Variants in WWOX observed in about 807,000 individuals in gnomAD.
The protein encoded by WWOX is WW domain-containing oxidoreductase.
WWOX carries 69 observed loss-of-function variants against 46.2 expected under a neutral mutation model. That is an observed-to-expected ratio of 1.49 (90% CI 1.23 to 1.82). The LOEUF (loss-of-function observed/expected upper bound fraction) is 1.82. Among genes scored for constraint, WWOX ranks in the 40% most tolerant of loss-of-function variants. The probability of loss-of-function intolerance (pLI) is 0.00; values close to 1 mark genes in which losing one functional copy is unlikely to be tolerated. For synonymous variants in WWOX, 359 were observed against 202.6 expected, an observed-to-expected ratio of 1.77 and a Z score of -6.56; for missense variants, 919 against 542.6, an observed-to-expected ratio of 1.69 and a Z score of -6.89.
intron 5 of WWOX, chr16:78,280,854 A>G (rs2079665113): frequency 6.6e-6 from 1 of 152,538 alleles, no homozygotes. Context: ...TAACATCAGA[A>G]TCATCTGAAT....
In WWOX at chr16:78,972,226, A is replaced by G. The variant is rs564546974; in HGVS notation, c.1057-239382A>G. 3.9e-5 allele frequency among the ~76,000 whole-genome samples: 6 copies of G among 152,258 alleles called. No individual in the cohort carries two copies. In the South Asian group the frequency reaches 1.0e-3, roughly 26 times the overall value. The stretch of plus-strand genomic sequence containing the variant: ...CCGTGCTTGGAGGGGCGTTCAGACA[A>G]AGAGCCAAATTTAAATTCATGTAAT... On this transcript the variant is annotated intron_variant, in intron 8 of 8. Coordinates refer to ENST00000566780, the MANE Select transcript of WWOX (RefSeq NM_016373.4).
intron 8 of WWOX, among the ~76,000 whole-genome samples, chr16:79,170,519 A>T (rs1222401163): frequency 1.3e-5 from 2 of 152,194 alleles, no homozygotes; most frequent in Admixed American, 1.3e-4. Flanking sequence ...CATACCCTAA[A>T]TTATGCCAGA....
At chr16:78,740,951 T>G (rs973383724) in intron 8 of WWOX, among the ~76,000 whole-genome samples, 11 of 152,216 alleles carry the variant, frequency 7.2e-5, no homozygotes, top group Non-Finnish European at 1.6e-4. Flanking sequence ...GTCACATTGT[T>G]GGAGAACTGT....
intron 8 of WWOX, among the ~76,000 whole-genome samples, chr16:78,988,298 C>T (rs543568247): frequency 1.3e-5 from 2 of 150,716 alleles, no homozygotes; most frequent in South Asian, 4.2e-4. Context: ...GAGCCAAGAT[C>T]ACGCTATTGC....
intron 1 of WWOX, among the ~76,000 whole-genome samples, chr16:78,100,851 C>CT (rs2031729419): frequency 6.6e-6 from 1 of 152,116 alleles, no homozygotes; most frequent in South Asian, 2.1e-4. Flanking sequence ...AGGAAATGTC[C>CT]TAAATACACG....
intron 8 of WWOX, among the ~76,000 whole-genome samples, chr16:78,529,725 C>T (rs2043573734): frequency 6.6e-6 from 1 of 152,098 alleles, no homozygotes; most frequent in Admixed American, 6.5e-5. Flanking sequence ...CCTCGGCCTC[C>T]CAAAGTGCTG....
intron 8 of WWOX, among the ~76,000 whole-genome samples, chr16:78,993,818 C>G (rs1360302137): frequency 6.6e-6 from 1 of 152,222 alleles, no homozygotes; most frequent in Non-Finnish European, 1.5e-5. Flanking sequence ...GCATCGGAAC[C>G]TGCAAGAAGC....
chr16:79,040,262 T>G (rs1023418712), intron 8 of WWOX, among the ~76,000 whole-genome samples: 1 of 143,824 alleles, frequency 7.0e-6, no homozygotes, highest in African/African-American at 2.6e-5. Flanking sequence ...TTCAGTTCAT[T>G]CTTTCTGAGT....
chr16:79,113,156 G>C (rs1302176226), intron 8 of WWOX, among the ~76,000 whole-genome samples: 1 of 152,166 alleles, frequency 6.6e-6, no homozygotes, highest in Non-Finnish European at 1.5e-5. Context: ...GGTTTTGTGG[G>C]GAATATACAA....
chr16:78,109,433 C>A (rs928356190), intron 2 of WWOX, among the ~76,000 whole-genome samples: 2 of 152,138 alleles, frequency 1.3e-5, no homozygotes, highest in South Asian at 4.1e-4. Flanking sequence ...ATGAGGTCAG[C>A]GTATGAATGA....
chr16:79,087,970 C>G (rs1264308427), intron 8 of WWOX, among the ~76,000 whole-genome samples: 1 of 152,120 alleles, frequency 6.6e-6, no homozygotes. Flanking sequence ...GCTCCACTAC[C>G]ATCTCCTTGG....
Position 78,175,023 on chromosome 16 carries a change from T to TAATAATAAG in WWOX, c.516+10738_516+10746dup, listed in dbSNP as rs772718440. On this transcript the variant is annotated intron_variant, in intron 5 of 8. Transcript: ENST00000566780. ...GTAATAATAATAATAATAATAATAA[T>TAATAATAAG]AATAATAAGAATCTGACTAAGGTTA... is the stretch of plus-strand genomic sequence containing the variant. 2.0e-5 allele frequency among the ~76,000 whole-genome samples: 3 copies of TAATAATAAG among 147,564 alleles called. No homozygotes were observed. The South Asian group carries it at 6.4e-4, about 31-fold the overall frequency.
At position 78,474,338 on chromosome 16, in the gene WWOX, C is replaced by T. The variant is rs887409701; in HGVS notation, c.1056+41586C>T. 6.6e-5 allele frequency among the ~76,000 whole-genome samples: 10 copies of T among 152,182 alleles called. No homozygotes were observed. In the East Asian group the frequency reaches 1.2e-3, roughly 18 times the overall value. ...TTGATTTCAGCACCTTTCTGTAGGA[C>T]GCCAATAGCTTATGTTTGCACATCT... On this transcript the variant is annotated intron_variant, in intron 8 of 8. Coordinates refer to ENST00000566780, the MANE Select transcript of WWOX (RefSeq NM_016373.4).
chr16:78,709,940 A>G (rs963142236), intron 8 of WWOX, among the ~76,000 whole-genome samples: 1 of 152,114 alleles, frequency 6.6e-6, no homozygotes, highest in African/African-American at 2.4e-5. Context: ...CATGTTGCCC[A>G]GGATGGTCTT....
At chr16:78,134,268 T>C (rs1191841697) in intron 4 of WWOX, among the ~76,000 whole-genome samples, 1 of 152,214 alleles carries the variant, frequency 6.6e-6, no homozygotes, top group Non-Finnish European at 1.5e-5. Flanking sequence ...CTGTCAGAAG[T>C]CTTTCTTTAG....
intron 8 of WWOX, among the ~76,000 whole-genome samples, chr16:79,187,676 G>A (rs1325244895): frequency 6.6e-6 from 1 of 152,180 alleles, no homozygotes; most frequent in Non-Finnish European, 1.5e-5. Context: ...CACAGTGATG[G>A]GATTACAGGC....
intron 5 of WWOX, among the ~76,000 whole-genome samples, chr16:78,214,832 C>CAA (rs34240900): frequency 1.4e-4 from 20 of 146,628 alleles, no homozygotes; most frequent in East Asian, 5.9e-4. Context: ...TAAATATTAC[C>CAA]AAAAAAAAAA....
At chr16:78,173,912 G>A (rs1025613603) in intron 5 of WWOX, among the ~76,000 whole-genome samples, 1 of 152,078 alleles carries the variant, frequency 6.6e-6, no homozygotes, top group African/African-American at 2.4e-5. Context: ...TTTTTAAGTA[G>A]CCTGTTTCTT....
chr16:78,683,889 C>T (rs1299535734), intron 8 of WWOX, among the ~76,000 whole-genome samples: 1 of 152,176 alleles, frequency 6.6e-6, no homozygotes, highest in African/African-American at 2.4e-5. Flanking sequence ...TGTGCCACCT[C>T]TTCTAAGAAA....
Sources: gnomAD v4.1 joint callset for allele counts (sites outside exome capture counted in the v4.1 genomes callset) on GRCh38, gnomAD v4.1.1 for gene constraint, MANE v1.5 for transcripts, NCBI Gene and HGNC (gene_info 2026-07-23, HGNC 2026-07-21) for gene names.